The following LHFPL3 variants were observed in gnomAD, a reference collection of about 807,000 sequenced individuals.
LHFPL3 encodes the protein LHFPL tetraspan subfamily member 3, also known as LHFPL tetraspan subfamily member 3 protein.
LHFPL3 carries 5 observed loss-of-function variants against 19.3 expected under a neutral mutation model. The observed-to-expected ratio is 0.26, with a 90% CI of 0.14 to 0.54. The LOEUF is 0.54. Among genes scored for constraint, LHFPL3 ranks in the 20% least tolerant of loss-of-function variants. The pLI, the probability that LHFPL3 is intolerant of heterozygous loss-of-function variation, is 0.94. For synonymous variants in LHFPL3, 133 were observed against 126.2 expected, an observed-to-expected ratio of 1.05 and a Z score of -0.36; for missense variants, 249 against 307.4, an observed-to-expected ratio of 0.81 and a Z score of 1.42.
At chr7:104,562,154 A>C (rs923752187) in intron 1 of LHFPL3, among the ~76,000 whole-genome samples, 2 of 151,210 alleles carry the variant, frequency 1.3e-5, no homozygotes, top group African/African-American at 4.9e-5. Context: ...TCTGACAATT[A>C]TGTGTCTTGG....
At chr7:104,787,424 C>T (rs1789938315) in intron 2 of LHFPL3, among the ~76,000 whole-genome samples, 2 of 152,194 alleles carry the variant, frequency 1.3e-5, no homozygotes, top group African/African-American at 2.4e-5. Context: ...AAACTTATTT[C>T]TCACAGTTCT....
At chr7:104,765,263 G>C (rs1222518341) in intron 2 of LHFPL3, among the ~76,000 whole-genome samples, 1 of 152,184 alleles carries the variant, frequency 6.6e-6, no homozygotes, top group Non-Finnish European at 1.5e-5. Context: ...AAAAAGTTAT[G>C]ACTCTAGCAG....
chr7:104,668,017 T>G, intron 1 of LHFPL3: 2 of 1,613,810 alleles, frequency 1.2e-6, no homozygotes, highest in Non-Finnish European at 1.7e-6. Context: ...CGGAGCCGTC[T>G]TCCCAAATCG....
At chr7:104,468,497 T>C (rs1042011947) in intron 1 of LHFPL3, among the ~76,000 whole-genome samples, 3 of 152,044 alleles carry the variant, frequency 2.0e-5, no homozygotes, top group Non-Finnish European at 4.4e-5. Flanking sequence ...TTTTTGGGGG[T>C]AAAAACCATG....
intron 1 of LHFPL3, among the ~76,000 whole-genome samples, chr7:104,466,843 G>A (rs1792796202): frequency 6.6e-6 from 1 of 152,192 alleles, no homozygotes; most frequent in Admixed American, 6.5e-5. Flanking sequence ...CCCAGAATCA[G>A]CATCTGCGGT....
At chr7:104,329,345 C>T in intron 1 of LHFPL3, 121 bp downstream of exon 1, 1 of 1,325,134 alleles carries the variant, frequency 7.5e-7, no homozygotes, top group Non-Finnish European at 1.0e-6. Context: ...CTAATCCGCT[C>T]AGGCGTCGAG....
intron 1 of LHFPL3, among the ~76,000 whole-genome samples, chr7:104,518,397 G>A (rs1230305774): frequency 6.6e-6 from 1 of 152,120 alleles, no homozygotes; most frequent in Non-Finnish European, 1.5e-5. Context: ...AATAATAATA[G>A]CAGAAATAGA....
chr7:104,492,491 T>A (rs1247268263), intron 1 of LHFPL3, among the ~76,000 whole-genome samples: 1 of 152,216 alleles, frequency 6.6e-6, no homozygotes, highest in Non-Finnish European at 1.5e-5. Flanking sequence ...CCATGTCAGG[T>A]GTATTAAACA....
rs555999843 is a variant in LHFPL3, at chr7:104,749,958, C to T, written c.682+13047C>T. ...TGCCATCTTCATTTTTCCCTAGTCCCTTTCCTGGTATATATCCCATCTTGG... is the reference window on the plus strand; with the variant it reads ...TGCCATCTTCATTTTTCCCTAGTCCTTTTCCTGGTATATATCCCATCTTGG... On this transcript the variant is annotated intron_variant, in intron 2 of 2. Coordinates refer to ENST00000424859, the MANE Select transcript of LHFPL3 (RefSeq NM_199000.3). 7.2e-3 allele frequency among the ~76,000 whole-genome samples: 1,093 copies of T among 152,280 alleles called. 8 individuals are homozygous for T. Among genetic ancestry groups the T allele is most frequent in the African/African-American group, 0.024 (987 of 41,546 alleles).
At chr7:104,379,707 C>T (rs1361971778) in intron 1 of LHFPL3, among the ~76,000 whole-genome samples, 2 of 152,078 alleles carry the variant, frequency 1.3e-5, no homozygotes, top group African/African-American at 2.4e-5. Context: ...TGAAGTTTCA[C>T]GGAAATGTGG....
chr7:104,714,911 C>T (rs763775130), intron 1 of LHFPL3, among the ~76,000 whole-genome samples: 4 of 152,050 alleles, frequency 2.6e-5, no homozygotes, highest in Non-Finnish European at 5.9e-5. Context: ...TGTACATGCT[C>T]ACTCTATATA....
intron 1 of LHFPL3, among the ~76,000 whole-genome samples, chr7:104,513,843 C>G (rs1436554781): frequency 2.0e-5 from 3 of 152,114 alleles, no homozygotes; most frequent in African/African-American, 7.2e-5. Flanking sequence ...CAAAGTACAG[C>G]CAAGGTTGAG....
intron 1 of LHFPL3, among the ~76,000 whole-genome samples, chr7:104,474,314 T>C (rs1358055114): frequency 6.6e-6 from 1 of 152,036 alleles, no homozygotes; most frequent in East Asian, 1.9e-4. Flanking sequence ...TGGACAAATA[T>C]TTGGGTGTGT....
intron 2 of LHFPL3, among the ~76,000 whole-genome samples, chr7:104,818,362 C>A (rs1373904416): frequency 6.7e-6 from 1 of 148,636 alleles, no homozygotes; most frequent in African/African-American, 2.5e-5. Flanking sequence ...GACTTTAAGG[C>A]AACTGGCTTG....
At chr7:104,828,741 C>A (rs151335875) in intron 2 of LHFPL3, among the ~76,000 whole-genome samples, 1 of 152,076 alleles carries the variant, frequency 6.6e-6, no homozygotes, top group East Asian at 1.9e-4. Context: ...AATAAAGAGT[C>A]CCCAAAACAA....
intron 2 of LHFPL3, among the ~76,000 whole-genome samples, chr7:104,754,268 A>T (rs987145147): frequency 6.6e-6 from 1 of 152,264 alleles, no homozygotes. Context: ...ATTATCACTT[A>T]GATAAATTAG....
chr7:104,567,900 G>A (rs528346684), intron 1 of LHFPL3, among the ~76,000 whole-genome samples: 5 of 152,034 alleles, frequency 3.3e-5, no homozygotes, highest in Admixed American at 6.6e-5. Flanking sequence ...TTTTTCTCCC[G>A]TGTCTCTGAG....
chr7:104,821,679 C>A (rs556848000), intron 2 of LHFPL3, among the ~76,000 whole-genome samples: 55 of 152,238 alleles, frequency 3.6e-4, no homozygotes, highest in Admixed American at 1.6e-3. Context: ...TACAGTGTGA[C>A]CATCTCACTA....
At chr7:104,490,685 A>G (rs557280301) in intron 1 of LHFPL3, among the ~76,000 whole-genome samples, 5 of 152,326 alleles carry the variant, frequency 3.3e-5, no homozygotes, top group African/African-American at 1.2e-4. Flanking sequence ...TGTTTAAGAC[A>G]TAATAATAAT....
Sources: gnomAD v4.1 joint callset for allele counts (sites outside exome capture counted in the v4.1 genomes callset) on GRCh38, gnomAD v4.1.1 for gene constraint, MANE v1.5 for transcripts, NCBI Gene and HGNC (gene_info 2026-07-23, HGNC 2026-07-21) for gene names.